SC5D: variants seen among roughly 807,000 people sequenced by gnomAD.
The protein encoded by SC5D is lathosterol oxidase.
SC5D carries 21 observed loss-of-function variants against 23.9 expected under a neutral mutation model. The observed-to-expected ratio is 0.88, with a 90% CI of 0.62 to 1.26. SC5D has a LOEUF of 1.26. Among genes scored for constraint, SC5D ranks in the 50% most tolerant of loss-of-function variants. SC5D has a pLI of 0.00. For synonymous variants in SC5D, 113 were observed against 125.9 expected, an observed-to-expected ratio of 0.90 and a Z score of 0.68; for missense variants, 309 against 364.8, an observed-to-expected ratio of 0.85 and a Z score of 1.25.
At chr11:121,294,232 C>T (rs898441781) in intron 1 of SC5D, among the ~76,000 whole-genome samples, 15 of 152,014 alleles carry the variant, frequency 9.9e-5, no homozygotes, top group Admixed American at 2.0e-4. Context: ...ATTTAGGGTC[C>T]TTGGGACCCC....
chr11:121,304,495 T>C lies in SC5D; in HGVS notation c.343+2T>C. ...ATGACCTAGGAGAGTTTCCATATGG[T>C]AAGTAAATAACACGAGTGTCAGGAA... On this transcript the variant is annotated splice_donor_variant, in intron 3 of 4. Coordinates refer to ENST00000264027, the MANE Select transcript of SC5D (RefSeq NM_006918.5). LOFTEE classifies it high-confidence loss of function. 1.2e-6 allele frequency: 2 copies of C among 1,613,222 alleles called. No individual in the cohort carries two copies. The highest frequency in any genetic ancestry group is 1.7e-6 in the Non-Finnish European group (2 of 1,179,350).
chr11:121,297,603 A>G (rs897120725), intron 1 of SC5D, among the ~76,000 whole-genome samples: 3 of 152,232 alleles, frequency 2.0e-5, no homozygotes, highest in Non-Finnish European at 4.4e-5. Flanking sequence ...CAGTGTGGGA[A>G]CTACCACCAC....
chr11:121,312,528 AC>A lies in SC5D; in HGVS notation c.*5017del, dbSNP rs563825637. On this transcript the variant is annotated 3_prime_UTR_variant, in exon 5 of 5. Coordinates refer to ENST00000264027, the MANE Select transcript of SC5D (RefSeq NM_006918.5). ...AACTACCAAAAAAGCAGACTTGTGT[AC>A]TTGACAGATTTTTCTAAACACTTCA... Among the ~76,000 whole-genome samples, 290 of 152,316 alleles carry A rather than the reference AC, an allele frequency of 1.9e-3. 2 individuals are homozygous for A. The highest frequency in any genetic ancestry group is 6.4e-3 in the African/African-American group (266 of 41,582).
In SC5D at chr11:121,309,138, A is replaced by T. The variant is rs2060008; in HGVS notation, c.*1626A>T. 0.49 allele frequency among the ~76,000 whole-genome samples: 74,814 copies of T among 152,072 alleles called. 19,215 individuals carry two copies. Among genetic ancestry groups the T allele is most frequent in the Non-Finnish European group, 0.56 (38,367 of 67,960 alleles). On this transcript the variant is annotated 3_prime_UTR_variant, in exon 5 of 5. Coordinates refer to ENST00000264027, the MANE Select transcript of SC5D (RefSeq NM_006918.5). ...CTATTCCCAGGTTTATTTCTCTCTC[A>T]TATGATGTCCCATGTGGATGTTTGT...
At chr11:121,302,911 G>A (rs1416507445) in intron 1 of SC5D, among the ~76,000 whole-genome samples, 1 of 152,222 alleles carries the variant, frequency 6.6e-6, no homozygotes, top group Non-Finnish European at 1.5e-5. Context: ...TTAGGTGTCA[G>A]TGCTGAAGCA....
Position 121,307,675 on chromosome 11 carries a change from A to G in SC5D, c.*163A>G, listed in dbSNP as rs1947978200. 3 of 585,114 alleles carry G rather than the reference A, an allele frequency of 5.1e-6. No homozygotes were observed. Among genetic ancestry groups the G allele is most frequent in the Admixed American group, 6.6e-5 (2 of 30,452 alleles). 36.2% of individuals were successfully genotyped at this position (585,114 alleles called of 1,614,324 possible). A position where few individuals can be genotyped will look rare whatever the true frequency, so the allele number is the denominator to read the frequency against. ...ACTGCTGAGGAATGATCCTAGTGGTAGGTCAGAAGAAGATGCTGTGAACAC... is the reference window on the plus strand; with the variant it reads ...ACTGCTGAGGAATGATCCTAGTGGTGGGTCAGAAGAAGATGCTGTGAACAC... On this transcript the variant is annotated 3_prime_UTR_variant, in exon 5 of 5. Transcript: ENST00000264027.
In SC5D at chr11:121,304,505, A is replaced by G. The variant is rs375136881; in HGVS notation, c.343+12A>G. The G allele has an allele frequency of 3.1e-6, 5 of 1,612,732 alleles. No homozygotes were observed. The highest frequency in any genetic ancestry group is 4.2e-6 in the Non-Finnish European group (5 of 1,178,988). On this transcript the variant is annotated intron_variant, in intron 3 of 4. Coordinates refer to ENST00000264027, the MANE Select transcript of SC5D (RefSeq NM_006918.5). ...AGAGTTTCCATATGGTAAGTAAATA[A>G]CACGAGTGTCAGGAAGAGAGTAGTC...
At position 121,309,709 on chromosome 11, in the gene SC5D, G is replaced by A. The variant is rs903945632; in HGVS notation, c.*2197G>A. Among the ~76,000 whole-genome samples, 18 of 152,092 alleles carry A rather than the reference G, an allele frequency of 1.2e-4. No individual in the cohort carries two copies. Among genetic ancestry groups the A allele is most frequent in the African/African-American group, 2.2e-4 (9 of 41,400 alleles). ...CAAACTTGCCCCTGCCCTTTCACCC[G>A]TCTCAAATTCTGGTCTTTTAAAGCA... On this transcript the variant is annotated 3_prime_UTR_variant, in exon 5 of 5. Transcript: ENST00000264027.
chr11:121,306,569 G>T lies in SC5D; in HGVS notation c.444+83G>T, dbSNP rs755547246. 17 of 770,444 alleles carry T rather than the reference G, an allele frequency of 2.2e-5. No individual in the cohort carries two copies. The African/African-American group carries it at 2.9e-4, about 13-fold the overall frequency. 47.7% of individuals were successfully genotyped at this position (770,444 alleles called of 1,614,324 possible). A position where few individuals can be genotyped will look rare whatever the true frequency, so the allele number is the denominator to read the frequency against. ...TATAAATTCTGTTCTCTATTTCCAA[G>T]AATTTCCTCTACCCATATTAAATGT... On this transcript the variant is annotated intron_variant, in intron 4 of 4. Transcript: ENST00000264027.
intron 3 of SC5D, 74 bp from the exon 4 acceptor site, chr11:121,306,312 A>G: frequency 1.3e-6 from 1 of 764,318 alleles, no homozygotes; most frequent in South Asian, 1.4e-5. Context: ...TTGCACTCAG[A>G]TGGACATGTG....
At chr11:121,300,061 T>TGGTG (rs1947915440) in intron 1 of SC5D, among the ~76,000 whole-genome samples, 1 of 152,204 alleles carries the variant, frequency 6.6e-6, no homozygotes, top group Non-Finnish European at 1.5e-5. Flanking sequence ...AGACCTGTAT[T>TGGTG]ATAAAAAAGG....
At chr11:121,299,502 A>G (rs377568541) in intron 1 of SC5D, among the ~76,000 whole-genome samples, 3 of 152,266 alleles carry the variant, frequency 2.0e-5, no homozygotes, top group Admixed American at 6.5e-5. Flanking sequence ...CTCCATACAT[A>G]ATTACATAAA....
chr11:121,295,635 G>A (rs1565566451), intron 1 of SC5D, among the ~76,000 whole-genome samples: 2 of 152,140 alleles, frequency 1.3e-5, no homozygotes, highest in Non-Finnish European at 2.9e-5. Context: ...AAAGCGGGAG[G>A]CAGGTTTGCC....
intron 1 of SC5D, among the ~76,000 whole-genome samples, chr11:121,300,443 C>G (rs897264581): frequency 6.6e-6 from 1 of 152,214 alleles, no homozygotes; most frequent in Middle Eastern, 3.2e-3. Flanking sequence ...CACTTGATCT[C>G]TCTGGCAATT....
intron 4 of SC5D, 182 bp from the exon 5 acceptor site, chr11:121,306,875 G>A: frequency 1.5e-6 from 1 of 683,386 alleles, no homozygotes; most frequent in Non-Finnish European, 2.6e-6. Flanking sequence ...CACTGCACTT[G>A]TACTCATAAA....
chr11:121,303,619 A>G (rs184437386), intron 2 of SC5D, 34 bp downstream of exon 2: 3 of 1,470,402 alleles, frequency 2.0e-6, no homozygotes, highest in South Asian at 2.3e-5. Context: ...TCTAACGATT[A>G]AAGTAAAAAT....
intron 1 of SC5D, among the ~76,000 whole-genome samples, chr11:121,296,008 C>G (rs1947886477): frequency 6.6e-6 from 1 of 152,178 alleles, no homozygotes; most frequent in African/African-American, 2.4e-5. Context: ...AACTAGTCTC[C>G]CTGCTTCTCA....
intron 1 of SC5D, among the ~76,000 whole-genome samples, chr11:121,295,647 A>G (rs2134261870): frequency 6.6e-6 from 1 of 152,266 alleles, no homozygotes; most frequent in Middle Eastern, 3.4e-3. Flanking sequence ...AGGTTTGCCT[A>G]ACATAGTTCC....
intron 1 of SC5D, among the ~76,000 whole-genome samples, chr11:121,293,855 A>G (rs1488827841): frequency 6.6e-6 from 1 of 152,226 alleles, no homozygotes; most frequent in African/African-American, 2.4e-5. Context: ...GAGAGATAAC[A>G]TAACGTGGTA....
Sources: allele counts gnomAD v4.1 joint callset (sites outside exome capture counted in the v4.1 genomes callset), GRCh38; gene constraint gnomAD v4.1.1; transcripts MANE v1.5; gene names NCBI Gene and HGNC (gene_info 2026-07-23, HGNC 2026-07-21).